The following CACNA1E variants were observed in gnomAD, a reference collection of about 807,000 sequenced individuals.
CACNA1E encodes calcium voltage-gated channel subunit alpha1 E.
Under a neutral mutation model 259.2 loss-of-function variants are expected in CACNA1E, and 40 were observed. The ratio of observed to expected loss-of-function variants is 0.15; its 90% CI spans 0.12 to 0.20. The LOEUF is 0.20. CACNA1E is among the 10% of genes least tolerant of loss of function. CACNA1E has a pLI of 1.00. For synonymous variants in CACNA1E, 1,104 were observed against 1,138.5 expected, an observed-to-expected ratio of 0.97 and a Z score of 0.61; for missense variants, 1,874 against 3,040.1, an observed-to-expected ratio of 0.62 and a Z score of 9.02.
chr1:181,729,967 C>T (rs185788839), intron 18 of CACNA1E, among the ~76,000 whole-genome samples: 80 of 152,292 alleles, frequency 5.3e-4, no homozygotes, highest in African/African-American at 1.7e-3. Flanking sequence ...TGTTGCATTG[C>T]AGGTCACTGA....
chr1:181,765,716 T>C (rs964748288), intron 34 of CACNA1E, among the ~76,000 whole-genome samples: 1 of 152,124 alleles, frequency 6.6e-6, no homozygotes, highest in Non-Finnish European at 1.5e-5. Flanking sequence ...TAGTGGATGG[T>C]AAAGAAGAGG....
chr1:181,571,787 G>T (rs1650438712), intron 3 of CACNA1E, among the ~76,000 whole-genome samples: 1 of 152,170 alleles, frequency 6.6e-6, no homozygotes, highest in East Asian at 1.9e-4. Flanking sequence ...TGGAGCTTGG[G>T]AGACATCCTG....
rs74919646 is a variant in CACNA1E at position 181,766,516 on chromosome 1, A to G, written c.4816-30A>G. On this transcript the variant is annotated intron_variant, in intron 34 of 47. Coordinates refer to ENST00000367573, the MANE Select transcript of CACNA1E (RefSeq NM_001205293.3). ...TGAGCTTGGGTGCTGCTTTTCTTTG[A>G]TTAACGTCTTATCTCTGCTTTCCTT... 8.4e-4 allele frequency: 1,324 copies of G among 1,570,942 alleles called. 10 individuals are homozygous for G. In the African/African-American group the frequency reaches 0.016, roughly 19 times the overall value.
chr1:181,446,146 C>T (rs1226029143), intron 2 of CACNA1E, among the ~76,000 whole-genome samples: 1 of 152,218 alleles, frequency 6.6e-6, no homozygotes, highest in Non-Finnish European at 1.5e-5. Flanking sequence ...AGGTACCTTA[C>T]CAGACTGTGG....
intron 2 of CACNA1E, among the ~76,000 whole-genome samples, chr1:181,422,242 T>C (rs933697884): frequency 6.6e-6 from 1 of 152,178 alleles, no homozygotes; most frequent in Non-Finnish European, 1.5e-5. Flanking sequence ...GTTGGTGCCG[T>C]GAGATCAGTG....
At chr1:181,613,416 T>C (rs1654930827) in intron 6 of CACNA1E, among the ~76,000 whole-genome samples, 1 of 152,224 alleles carries the variant, frequency 6.6e-6, no homozygotes, top group Admixed American at 6.5e-5. Context: ...ATGTGTTATA[T>C]ACTGTATTCT....
intron 2 of CACNA1E, among the ~76,000 whole-genome samples, chr1:181,476,838 C>A (rs1280779180): frequency 6.6e-6 from 1 of 152,162 alleles, no homozygotes; most frequent in Admixed American, 6.5e-5. Context: ...GCTGAGTCCT[C>A]CTGCTGCACT....
At chr1:181,325,005 A>G (rs1033243615) in intron 1 of CACNA1E, among the ~76,000 whole-genome samples, 3 of 152,116 alleles carry the variant, frequency 2.0e-5, no homozygotes, top group Non-Finnish European at 4.4e-5. Context: ...GCCTTCCTCC[A>G]GTGCTGCCAC....
At chr1:181,417,862 C>T (rs924444944) in intron 2 of CACNA1E, among the ~76,000 whole-genome samples, 52 of 152,306 alleles carry the variant, frequency 3.4e-4, no homozygotes, top group African/African-American at 1.2e-3. Context: ...TCCCTGGTAC[C>T]AGGCCTTTAC....
intron 6 of CACNA1E, among the ~76,000 whole-genome samples, chr1:181,585,018 C>G (rs901319337): frequency 6.7e-5 from 10 of 149,408 alleles, no homozygotes; most frequent in Admixed American, 4.7e-4. Context: ...TGGTCCCCCC[C>G]CCTGCCTCAA....
intron 35 of CACNA1E, among the ~76,000 whole-genome samples, chr1:181,768,145 A>G (rs1287312450): frequency 6.6e-6 from 1 of 152,150 alleles, no homozygotes; most frequent in African/African-American, 2.4e-5. Flanking sequence ...AATAGTTCTT[A>G]CCCCTTTTCA....
At chr1:181,780,317 A>G (rs1441371826) in intron 38 of CACNA1E, among the ~76,000 whole-genome samples, 1 of 152,128 alleles carries the variant, frequency 6.6e-6, no homozygotes, top group Non-Finnish European at 1.5e-5. Flanking sequence ...CACCAAGGAT[A>G]TTGTTCAGGG....
At chr1:181,341,634 C>T (rs994994028) in intron 1 of CACNA1E, among the ~76,000 whole-genome samples, 2 of 152,188 alleles carry the variant, frequency 1.3e-5, no homozygotes, top group African/African-American at 2.4e-5. Context: ...ATGGGCCCAA[C>T]ATGAAACCCT....
chr1:181,516,777 T>G (rs547895156), intron 3 of CACNA1E, among the ~76,000 whole-genome samples: 11 of 152,344 alleles, frequency 7.2e-5, no homozygotes, highest in African/African-American at 2.6e-4. Flanking sequence ...GAGCTAGTCT[T>G]GAGTGTTGGT....
At chr1:181,558,760 T>C (rs1430363166) in intron 3 of CACNA1E, among the ~76,000 whole-genome samples, 1 of 152,202 alleles carries the variant, frequency 6.6e-6, no homozygotes, top group Non-Finnish European at 1.5e-5. Flanking sequence ...ACTTGGATTT[T>C]AGAAAGATCA....
At chr1:181,544,400 TAA>T (rs5779107) in intron 3 of CACNA1E, among the ~76,000 whole-genome samples, 2 of 148,686 alleles carry the variant, frequency 1.3e-5, no homozygotes, top group African/African-American at 4.9e-5. Context: ...CTGAATATAC[TAA>T]AAAAAAAAAC....
intron 2 of CACNA1E, among the ~76,000 whole-genome samples, chr1:181,415,998 G>A (rs1004047347): frequency 7.2e-5 from 11 of 152,152 alleles, no homozygotes; most frequent in African/African-American, 2.7e-4. Context: ...ACAAAGAGAC[G>A]GGATGTCAAG....
chr1:181,721,836 T>G lies in CACNA1E; in HGVS notation c.2035T>G (p.Ser679Ala). The G allele has an allele frequency of 6.2e-7, 1 of 1,613,292 alleles. No homozygotes were observed. Among genetic ancestry groups the G allele is most frequent in the Non-Finnish European group, 8.5e-7 (1 of 1,179,262 alleles). ...SQGGVSSGMW[S>A]AIYFIVLTLF... Reference sequence around the variant, plus strand: ...GGGTGGGGTCAGCTCAGGCATGTGGTCTGCCATCTACTTCATTGTGCTCAC... The same window carrying G: ...GGGTGGGGTCAGCTCAGGCATGTGGGCTGCCATCTACTTCATTGTGCTCAC... Residue 679 changes from serine to alanine, a missense_variant, in exon 16 of 48, where the codon TCT (serine) becomes GCT (alanine). This residue lies in a region of CACNA1E where 102 missense variants were observed against 279.4 expected (regional missense o/e 0.37). Transcript: ENST00000367573.
chr1:181,349,866 T>C lies in CACNA1E; in HGVS notation c.-15+31743T>C, dbSNP rs555431137. 3.3e-5 allele frequency among the ~76,000 whole-genome samples: 5 copies of C among 152,280 alleles called. No individual in the cohort carries two copies. The East Asian group carries it at 7.7e-4, about 24-fold the overall frequency. On this transcript the variant is annotated intron_variant, in intron 1 of 11. Coordinates refer to the CACNA1E transcript ENST00000524607. Reference sequence around the variant, plus strand: ...AAATTTGAATTCTGGCCTCCACTCTTACCAACAGCTGTGTGACCCCAGGCA... The same window carrying C: ...AAATTTGAATTCTGGCCTCCACTCTCACCAACAGCTGTGTGACCCCAGGCA...
Sources: allele counts gnomAD v4.1 joint callset (sites outside exome capture counted in the v4.1 genomes callset), GRCh38; gene constraint gnomAD v4.1.1; regional missense constraint gnomAD v4.1.1; transcripts MANE v1.5; gene names NCBI Gene and HGNC (gene_info 2026-07-23, HGNC 2026-07-21).